PCDHB13: variants seen among roughly 807,000 people sequenced by gnomAD.
The protein encoded by PCDHB13 is protocadherin beta 13.
For missense variants in PCDHB13, 1,065 were observed against 1,016.7 expected, an observed-to-expected ratio of 1.05 and a Z score of -0.65; for synonymous variants, 515 against 450.7, an observed-to-expected ratio of 1.14 and a Z score of -1.81.
rs1754645700 is a variant in PCDHB13, at chr5:141,217,618, G to A, written c.*1098G>A. 6.0e-6 allele frequency: 1 copy of A among 166,806 alleles called. No individual in the cohort carries two copies. The highest frequency in any genetic ancestry group is 1.5e-5 in the Non-Finnish European group (1 of 68,076). The allele number at this position is 166,806 out of a possible 1,614,324, so 10.3% of individuals were successfully genotyped here. A position where few individuals can be genotyped will look rare whatever the true frequency, so the allele number is the denominator to read the frequency against. On this transcript the variant is annotated 3_prime_UTR_variant, in exon 1 of 1. Coordinates refer to ENST00000341948, the MANE Select transcript of PCDHB13 (RefSeq NM_018933.4). Reference sequence around the variant, plus strand: ...GATAGTATCAAAAGATAGTCCCTTAGGGTTCTAATTTTAAAAAAATTTTCA... The same window carrying A: ...GATAGTATCAAAAGATAGTCCCTTAAGGTTCTAATTTTAAAAAAATTTTCA...
chr5:141,214,751 A>C lies in PCDHB13; in HGVS notation c.628A>C (p.Arg210=), dbSNP rs781791903. 6.2e-7 allele frequency: 1 copy of C among 1,614,156 alleles called. No individual in the cohort carries two copies. Among genetic ancestry groups the C allele is most frequent in the East Asian group, 2.2e-5 (1 of 44,882 alleles). ...GGACCGAGAGGAAGAAGCTGAGCTC[A>C]GGTTAACACTCACAGCACTGGATGG... is the stretch of plus-strand genomic sequence containing the variant. The part of the protein sequence containing the change: ...ALDREEEAEL[R]LTLTALDGGS... Residue 210 remains arginine (R), a synonymous_variant, in exon 1 of 1, where the codon AGG becomes CGG. Transcript: ENST00000341948.
chr5:141,215,367 C>A lies in PCDHB13; in HGVS notation c.1244C>A (p.Ala415Glu), dbSNP rs535862350. ...TERPLDRESR[A>E]EYNITITVTD... ...AGACCACTAGACAGAGAAAGCAGAG[C>A]GGAATACAACATCACTATCACTGTC... Residue 415 changes from alanine to glutamate, a missense_variant, in exon 1 of 1, where the codon GCG becomes GAG. By Grantham distance (107) the Ala-to-Glu change is moderately radical. Coordinates refer to ENST00000341948, the MANE Select transcript of PCDHB13 (RefSeq NM_018933.4). The A allele has an allele frequency of 1.9e-6, 3 of 1,614,034 alleles. No homozygotes were observed. The highest frequency in any genetic ancestry group is 1.6e-4 in the Middle Eastern group (1 of 6,084).
In PCDHB13 at chr5:141,214,576, T is replaced by C. The variant is rs1754536540; in HGVS notation, c.453T>C (p.Thr151=). 1.2e-6 allele frequency: 2 copies of C among 1,614,210 alleles called. No individual in the cohort carries two copies. Among genetic ancestry groups the C allele is most frequent in the Non-Finnish European group, 1.7e-6 (2 of 1,180,036 alleles). The part of the protein sequence containing the change: ...VKVSESSPPG[T]TFPLKNAEDL... ...TATCAGAGAGCAGTCCTCCTGGGAC[T>C]ACGTTTCCTCTGAAGAATGCCGAAG... Residue 151 remains threonine, a synonymous_variant, in exon 1 of 1, where the codon ACT becomes ACC. Coordinates refer to ENST00000341948, the MANE Select transcript of PCDHB13 (RefSeq NM_018933.4).
Position 141,215,750 on chromosome 5 carries a change from A to G in PCDHB13, c.1627A>G (p.Ser543Gly). ...ASDHGSPALS[S>G]EALVRVVVLD... Reference sequence around the variant, plus strand: ...AGACCACGGCTCCCCGGCGCTGAGCAGCGAGGCGCTGGTGCGCGTGGTGGT... The same window carrying G: ...AGACCACGGCTCCCCGGCGCTGAGCGGCGAGGCGCTGGTGCGCGTGGTGGT... Residue 543 changes from serine (S) to glycine (G), a missense_variant, in exon 1 of 1, where the codon AGC (serine) becomes GGC (glycine). By Grantham distance (56) the Ser-to-Gly change is moderately conservative (BLOSUM62 0). Coordinates refer to ENST00000341948, the MANE Select transcript of PCDHB13 (RefSeq NM_018933.4). 6.2e-7 allele frequency: 1 copy of G among 1,612,074 alleles called. No homozygotes were observed. The highest frequency in any genetic ancestry group is 8.5e-7 in the Non-Finnish European group (1 of 1,179,794).
chr5:141,215,985 A>T lies in PCDHB13; in HGVS notation c.1862A>T (p.Asn621Ile). 6.2e-7 allele frequency: 1 copy of T among 1,607,108 alleles called. No homozygotes were observed. The highest frequency in any genetic ancestry group is 8.5e-7 in the Non-Finnish European group (1 of 1,179,538). ...ELGLFGVWAH[N>I]GEVRTARLLS... ...GGTCTGTTCGGCGTGTGGGCGCACAATGGCGAGGTGCGCACCGCCAGGCTG... is the reference window on the plus strand; with the variant it reads ...GGTCTGTTCGGCGTGTGGGCGCACATTGGCGAGGTGCGCACCGCCAGGCTG... The change falls in exon 1 of 1, where the codon AAT (asparagine) becomes ATT (isoleucine). Residue 621 changes from asparagine (N) to isoleucine (I), a missense_variant. Transcript: ENST00000341948.
At position 141,217,993 on chromosome 5, in the gene PCDHB13, G is replaced by GTGTGATCTCCACTCAC. The variant is rs56286833; in HGVS notation, c.*1492_*1507dup. On this transcript the variant is annotated 3_prime_UTR_variant, in exon 1 of 1. Coordinates refer to ENST00000341948, the MANE Select transcript of PCDHB13 (RefSeq NM_018933.4). Reference sequence around the variant, plus strand: ...CTGTCACCCAGGCTGGAGTGCAGTGGTGTGATCTCCACTCACTGTGATCTC... The same window carrying GTGTGATCTCCACTCAC: ...CTGTCACCCAGGCTGGAGTGCAGTGGTGTGATCTCCACTCACTGTGATCTCCACTCACTGTGATCTC... 22 of 163,332 alleles carry GTGTGATCTCCACTCAC rather than the reference G, an allele frequency of 1.3e-4. No homozygotes were observed. The Admixed American group carries it at 1.4e-3, about 11-fold the overall frequency. 10.1% of individuals were successfully genotyped at this position (163,332 alleles called of 1,614,324 possible).
chr5:141,214,312 G>A lies in PCDHB13; in HGVS notation c.189G>A (p.Arg63=), dbSNP rs1318845368. ...TGGAGCAGAGGGAATTCTCCAGGCG[G>A]GGGGTTAGGGTTGTTTCCAGAGGGA... The part of the protein sequence containing the change: ...LGLEQREFSR[R]GVRVVSRGNK... The change falls in exon 1 of 1, where the codon CGG becomes CGA. Residue 63 remains arginine (R), a synonymous_variant. Transcript: ENST00000341948. The A allele has an allele frequency of 3.4e-6, 5 of 1,466,134 alleles. No individual in the cohort carries two copies. Among genetic ancestry groups the A allele is most frequent in the Admixed American group, 3.7e-5 (2 of 54,180 alleles). The allele number at this position is 1,466,134 out of a possible 1,614,324, so 90.8% of individuals were successfully genotyped here.
rs1754584282 is a variant in PCDHB13 at position 141,215,719 on chromosome 5, C to A, written c.1596C>A (p.Gly532=). ...EALQGFQFRV[G]ASDHGSPALS... ...TGCAGGGGTTCCAGTTCCGCGTGGG[C>A]GCTTCAGACCACGGCTCCCCGGCGC... Residue 532 remains glycine, a synonymous_variant, in exon 1 of 1, where the codon GGC becomes GGA. Coordinates refer to ENST00000341948, the MANE Select transcript of PCDHB13 (RefSeq NM_018933.4). 1 of 1,612,562 alleles carries A rather than the reference C, an allele frequency of 6.2e-7. No homozygotes were observed. The highest frequency in any genetic ancestry group is 1.1e-5 in the South Asian group (1 of 91,002).
At position 141,215,035 on chromosome 5, in the gene PCDHB13, A is replaced by G. The variant is rs1351127995; in HGVS notation, c.912A>G (p.Leu304=). The G allele has an allele frequency of 4.3e-6, 7 of 1,614,012 alleles. No individual in the cohort carries two copies. Among genetic ancestry groups the G allele is most frequent in the Non-Finnish European group, 5.9e-6 (7 of 1,180,022 alleles). The change falls in exon 1 of 1, where the codon CTA becomes CTG. Residue 304 remains leucine, a synonymous_variant. Transcript: ENST00000341948. ...KINPLTGEIE[L]KKQLDFEKLQ... The stretch of plus-strand genomic sequence containing the variant: ...ATCCCTTGACAGGAGAAATTGAACT[A>G]AAAAAACAACTCGATTTCGAAAAAC...
Position 141,217,383 on chromosome 5 carries a change from A to G in PCDHB13, c.*863A>G, listed in dbSNP as rs1754641617. Reference sequence around the variant, plus strand: ...AAGATTATATTTTACATATTTTGAAACACACAAGCTTAATAGAAATAAATG... The same window carrying G: ...AAGATTATATTTTACATATTTTGAAGCACACAAGCTTAATAGAAATAAATG... On this transcript the variant is annotated 3_prime_UTR_variant, in exon 1 of 1. Coordinates refer to ENST00000341948, the MANE Select transcript of PCDHB13 (RefSeq NM_018933.4). 6.0e-6 allele frequency: 1 copy of G among 167,054 alleles called. No individual in the cohort carries two copies. Among genetic ancestry groups the G allele is most frequent in the African/African-American group, 2.4e-5 (1 of 41,412 alleles). The allele number at this position is 167,054 out of a possible 1,614,324, so 10.3% of individuals were successfully genotyped here.
Position 141,216,780 on chromosome 5 carries a change from T to C in PCDHB13, c.*260T>C. 1.9e-6 allele frequency: 1 copy of C among 529,758 alleles called. No individual in the cohort carries two copies. The highest frequency in any genetic ancestry group is 3.5e-6 in the Non-Finnish European group (1 of 285,932). 32.8% of individuals were successfully genotyped at this position (529,758 alleles called of 1,614,324 possible). ...AGAGCAATACCAAATCACATTTTTT[T>C]CATGCCCCTATCTTTAGCTGAACTT... is the stretch of plus-strand genomic sequence containing the variant. On this transcript the variant is annotated 3_prime_UTR_variant, in exon 1 of 1. Transcript: ENST00000341948.
In PCDHB13 at chr5:141,215,696, C is replaced by T. The variant is rs1256081115; in HGVS notation, c.1573C>T (p.Gln525Ter). The change falls in exon 1 of 1, where the codon CAG becomes TAG. Residue 525 changes from glutamine to a stop codon, truncating the protein, a stop_gained. Coordinates refer to ENST00000341948, the MANE Select transcript of PCDHB13 (RefSeq NM_018933.4). LOFTEE classifies it low-confidence loss of function (END_TRUNC). ...CAGGTCTCTGGACTACGAGGCCCTG[C>T]AGGGGTTCCAGTTCCGCGTGGGCGC... is the stretch of plus-strand genomic sequence containing the variant. ...ALRSLDYEAL[Q>*]GFQFRVGASD... is the part of the protein sequence containing the mutation. 4 of 1,612,816 alleles carry T rather than the reference C, an allele frequency of 2.5e-6. No individual in the cohort carries two copies. Among genetic ancestry groups the T allele is most frequent in the Non-Finnish European group, 3.4e-6 (4 of 1,179,926 alleles).
At position 141,216,091 on chromosome 5, in the gene PCDHB13, C is replaced by T; in HGVS notation, c.1968C>T (p.Ala656=). 1 of 1,607,406 alleles carries T rather than the reference C, an allele frequency of 6.2e-7. No homozygotes were observed. Residue 656 remains alanine (A), a synonymous_variant, in exon 1 of 1, where the codon GCC becomes GCT. Coordinates refer to ENST00000341948, the MANE Select transcript of PCDHB13 (RefSeq NM_018933.4). Reference sequence around the variant, plus strand: ...GCGAGCCTCCGCGCTCGGCCACCGCCACGCTGCACGTGCTCCTGGTGGACG... The same window carrying T: ...GCGAGCCTCCGCGCTCGGCCACCGCTACGCTGCACGTGCTCCTGGTGGACG... ...DNGEPPRSAT[A]TLHVLLVDGF...
Position 141,216,264 on chromosome 5 carries a change from G to C in PCDHB13, c.2141G>C (p.Cys714Ser). ...CTCCTGTTCGTGGCGGTGCGGCTGT[G>C]TAGGAGGAGCAGGGCGGCCTCGGTG... ...SVLLFVAVRL[C>S]RRSRAASVGR... is the part of the protein sequence containing the mutation. The change falls in exon 1 of 1, where the codon TGT (cysteine) becomes TCT (serine). Residue 714 changes from cysteine (C) to serine (S), a missense_variant. Transcript: ENST00000341948. 3 of 1,613,740 alleles carry C rather than the reference G, an allele frequency of 1.9e-6. No homozygotes were observed. The highest frequency in any genetic ancestry group is 2.5e-6 in the Non-Finnish European group (3 of 1,179,978).
Position 141,214,316 on chromosome 5 carries a change from G to A in PCDHB13, c.193G>A (p.Val65Ile), listed in dbSNP as rs1434809796. The A allele has an allele frequency of 1.4e-6, 2 of 1,453,578 alleles. No homozygotes were observed. Among genetic ancestry groups the A allele is most frequent in the Non-Finnish European group, 1.9e-6 (2 of 1,050,446 alleles). 90.0% of individuals were successfully genotyped at this position (1,453,578 alleles called of 1,614,324 possible). A position where few individuals can be genotyped will look rare whatever the true frequency, so the allele number is the denominator to read the frequency against. ...LEQREFSRRGVRVVSRGNKLH... is the reference protein window; with the variant it reads ...LEQREFSRRGIRVVSRGNKLH... ...GCAGAGGGAATTCTCCAGGCGGGGGGTTAGGGTTGTTTCCAGAGGGAACAA... is the reference window on the plus strand; with the variant it reads ...GCAGAGGGAATTCTCCAGGCGGGGGATTAGGGTTGTTTCCAGAGGGAACAA... The change falls in exon 1 of 1, where the codon GTT (valine) becomes ATT (isoleucine). Residue 65 changes from valine to isoleucine, a missense_variant. Coordinates refer to ENST00000341948, the MANE Select transcript of PCDHB13 (RefSeq NM_018933.4).
Position 141,218,331 on chromosome 5 carries a change from A to G in PCDHB13, c.*1811A>G. 6.0e-6 allele frequency: 1 copy of G among 167,042 alleles called. No homozygotes were observed. The allele number at this position is 167,042 out of a possible 1,614,324, so 10.3% of individuals were successfully genotyped here. A position where few individuals can be genotyped will look rare whatever the true frequency, so the allele number is the denominator to read the frequency against. ...TCAGTTGATAATGCCAAGAAGTGCA[A>G]TCTCTTTTAATAGCATATCTAAGAC... On this transcript the variant is annotated 3_prime_UTR_variant, in exon 1 of 1. Coordinates refer to ENST00000341948, the MANE Select transcript of PCDHB13 (RefSeq NM_018933.4).
rs1554288198 is a variant in PCDHB13 at position 141,216,401 on chromosome 5, G to A, written c.2278G>A (p.Gly760Arg). 6.2e-7 allele frequency: 1 copy of A among 1,614,156 alleles called. No individual in the cohort carries two copies. The highest frequency in any genetic ancestry group is 8.5e-7 in the Non-Finnish European group (1 of 1,180,034). Residue 760 changes from glycine (G) to arginine (R), a missense_variant, in exon 1 of 1, where the codon GGG becomes AGG. Coordinates refer to ENST00000341948, the MANE Select transcript of PCDHB13 (RefSeq NM_018933.4). ...TGAGGTGTGTCTGGCAGGAGGCTCA[G>A]GGACCAATGAGTTCAAGTTCCTGAA... ...QYEVCLAGGSGTNEFKFLKPI... is the reference protein window; with the variant it reads ...QYEVCLAGGSRTNEFKFLKPI...
In PCDHB13 at chr5:141,217,921, A is replaced by G. The variant is rs929768335; in HGVS notation, c.*1401A>G. The G allele has an allele frequency of 1.2e-5, 2 of 167,074 alleles. No homozygotes were observed. Among genetic ancestry groups the G allele is most frequent in the African/African-American group, 4.8e-5 (2 of 41,376 alleles). The allele number at this position is 167,074 out of a possible 1,614,324, so 10.3% of individuals were successfully genotyped here. ...ATGACTACTTCCAGTGCCACAGACT[A>G]GACTCAGTTGCTTCTCTTATGTTAT... On this transcript the variant is annotated 3_prime_UTR_variant, in exon 1 of 1. Transcript: ENST00000341948.
rs1554288072 is a variant in PCDHB13, at chr5:141,215,998, C to T, written c.1875C>T (p.Arg625=). Residue 625 remains arginine (R), a synonymous_variant, in exon 1 of 1, where the codon CGC becomes CGT. Transcript: ENST00000341948. ...FGVWAHNGEV[R]TARLLSERDA... ...TGTGGGCGCACAATGGCGAGGTGCG[C>T]ACCGCCAGGCTGCTGAGCGAGCGCG... The T allele has an allele frequency of 6.2e-7, 1 of 1,606,986 alleles. No homozygotes were observed. The highest frequency in any genetic ancestry group is 8.5e-7 in the Non-Finnish European group (1 of 1,179,552).
Sources: gnomAD v4.1 joint callset for allele counts on GRCh38, gnomAD v4.1.1 for gene constraint, MANE v1.5 for transcripts, NCBI Gene and HGNC (gene_info 2026-07-23, HGNC 2026-07-21) for gene names.